Variants in GALK2 observed in about 807,000 individuals in gnomAD.
GALK2 encodes galactokinase 2.
GALK2 carries 36 observed loss-of-function variants against 52.4 expected under a neutral mutation model. The ratio of observed to expected loss-of-function variants is 0.69; its 90% CI spans 0.53 to 0.91. The LOEUF is 0.91. GALK2 is among the 40% of genes least tolerant of loss of function. GALK2 has a pLI of 0.00. For missense variants in GALK2, 579 were observed against 559.1 expected (o/e 1.04, Z -0.36); for synonymous variants, 176 against 199.1 (o/e 0.88, Z 0.98).
chr15:49,210,217 G>T (rs1201214432), intron 2 of GALK2, among the ~76,000 whole-genome samples: 1 of 151,220 alleles, frequency 6.6e-6, no homozygotes, highest in Non-Finnish European at 1.5e-5. Context: ...TTATTTGTGT[G>T]TTCTCTTTTT....
At chr15:49,362,930 A>C (rs2044502718) in intron 3 of GALK2, among the ~76,000 whole-genome samples, 1 of 151,988 alleles carries the variant, frequency 6.6e-6, no homozygotes, top group Admixed American at 6.6e-5. Flanking sequence ...GTTAGATGGT[A>C]GTAGGTGTGC....
At chr15:49,203,881 G>A (rs1213811869) in intron 2 of GALK2, among the ~76,000 whole-genome samples, 3 of 152,160 alleles carry the variant, frequency 2.0e-5, no homozygotes, top group Non-Finnish European at 2.9e-5. Flanking sequence ...TTAGGAAGCC[G>A]AGGAGGGTGG....
chr15:49,191,850 G>T (rs1038239676), intron 1 of GALK2, among the ~76,000 whole-genome samples: 10 of 90,732 alleles, frequency 1.1e-4, no homozygotes, highest in African/African-American at 3.3e-4. Flanking sequence ...TCTCTAAGTG[G>T]TGATTTTCTG....
chr15:49,355,484 G>A (rs1246407167), intron 3 of GALK2, among the ~76,000 whole-genome samples: 1 of 152,158 alleles, frequency 6.6e-6, no homozygotes, highest in Admixed American at 6.5e-5. Context: ...GGAAGAAAGG[G>A]TATCAGCGAT....
At chr15:49,209,401 C>T (rs2088613645) in intron 2 of GALK2, among the ~76,000 whole-genome samples, 1 of 152,116 alleles carries the variant, frequency 6.6e-6, no homozygotes, top group Non-Finnish European at 1.5e-5. Flanking sequence ...GTATGCTTGT[C>T]TTGTTCTAGT....
intron 7 of GALK2, among the ~76,000 whole-genome samples, chr15:49,288,972 C>T (rs1416485278): frequency 6.6e-6 from 1 of 152,188 alleles, no homozygotes; most frequent in African/African-American, 2.4e-5. Context: ...TGTTTTCCTT[C>T]TGGCATATAC....
Position 49,283,700 on chromosome 15 carries a change from G to C in GALK2, c.738G>C (p.Glu246Asp), listed in dbSNP as rs376077359. 3 of 1,614,006 alleles carry C rather than the reference G, an allele frequency of 1.9e-6. No individual in the cohort carries two copies. In the South Asian group the frequency reaches 3.3e-5, roughly 18 times the overall value. Residue 246 changes from glutamate (E) to aspartate (D), a missense_variant, in exon 7 of 10, where the codon GAG becomes GAC. Coordinates refer to ENST00000560031, the MANE Select transcript of GALK2 (RefSeq NM_002044.4). ...CCCATTTCAATATCAGGGTGATGGA[G>C]TGTCGGCTGGCTGCGAAGGTATGAA... ...ATSHFNIRVM[E>D]CRLAAKLLAK...
chr15:49,355,470 A>G (rs1046683787), intron 3 of GALK2, among the ~76,000 whole-genome samples: 1 of 152,216 alleles, frequency 6.6e-6, no homozygotes, highest in African/African-American at 2.4e-5. Context: ...CGATGCGATC[A>G]ACTGGAAGAA....
At chr15:49,242,616 T>G (rs1279210544) in intron 5 of GALK2, among the ~76,000 whole-genome samples, 1 of 152,196 alleles carries the variant, frequency 6.6e-6, no homozygotes, top group Non-Finnish European at 1.5e-5. Context: ...TTACTGCAGA[T>G]GGGATATAAT....
chr15:49,302,475 A>T (rs1405334039), intron 8 of GALK2, among the ~76,000 whole-genome samples: 1 of 152,124 alleles, frequency 6.6e-6, no homozygotes, highest in Non-Finnish European at 1.5e-5. Flanking sequence ...TGGAATTTTC[A>T]CGTTTAATAA....
chr15:49,202,414 A>G (rs923020489), intron 2 of GALK2, among the ~76,000 whole-genome samples: 4 of 152,132 alleles, frequency 2.6e-5, no homozygotes, highest in East Asian at 1.9e-4. Context: ...TTATGAGATC[A>G]ACTCTTTTAG....
intron 1 of GALK2, among the ~76,000 whole-genome samples, chr15:49,184,329 T>C (rs1468561278): frequency 6.6e-6 from 1 of 152,178 alleles, no homozygotes; most frequent in Middle Eastern, 3.2e-3. Flanking sequence ...GAATATCTTT[T>C]TTCATCTGTT....
intron 3 of GALK2, among the ~76,000 whole-genome samples, chr15:49,341,431 C>G (rs2040715696): frequency 6.6e-6 from 1 of 152,026 alleles, no homozygotes; most frequent in South Asian, 2.1e-4. Flanking sequence ...GATTTCTTTC[C>G]ACAGAATTTT....
At chr15:49,156,161 T>A in intron 1 of GALK2, 1 of 799,372 alleles carries the variant, frequency 1.3e-6, no homozygotes, top group South Asian at 1.6e-5. Context: ...TCTATGGATA[T>A]CCTAAATTAG....
At chr15:49,250,852 TA>T (rs1299107811) in intron 5 of GALK2, among the ~76,000 whole-genome samples, 3 of 151,790 alleles carry the variant, frequency 2.0e-5, no homozygotes, top group African/African-American at 7.3e-5. Context: ...GTTATAATGA[TA>T]TTTTTTTGAA....
At chr15:49,285,026 G>C (rs1275245453) in intron 7 of GALK2, among the ~76,000 whole-genome samples, 4 of 152,018 alleles carry the variant, frequency 2.6e-5, no homozygotes, top group African/African-American at 9.7e-5. Context: ...TCTCTTCACA[G>C]CTAAACTTCT....
intron 3 of GALK2, among the ~76,000 whole-genome samples, chr15:49,222,958 T>A (rs927386362): frequency 1.3e-5 from 2 of 152,214 alleles, no homozygotes; most frequent in African/African-American, 4.8e-5. Flanking sequence ...TGAAGAGGAT[T>A]GGTATTTGTT....
intron 7 of GALK2, among the ~76,000 whole-genome samples, chr15:49,288,389 A>C (rs565650934): frequency 3.3e-5 from 5 of 152,320 alleles, no homozygotes; most frequent in Admixed American, 3.3e-4. Context: ...AGGAAAATTT[A>C]CAGTGATTCT....
intron 2 of GALK2, among the ~76,000 whole-genome samples, chr15:49,209,111 C>T (rs926332091): frequency 9.9e-5 from 15 of 152,102 alleles, no homozygotes; most frequent in South Asian, 4.1e-4. Context: ...ATCCTTTTTG[C>T]GGTTCTCTAT....
Sources: gnomAD v4.1 joint callset for allele counts (sites outside exome capture counted in the v4.1 genomes callset) on GRCh38, gnomAD v4.1.1 for gene constraint, MANE v1.5 for transcripts, NCBI Gene and HGNC (gene_info 2026-07-23, HGNC 2026-07-21) for gene names.